SYNPO: variants seen among roughly 807,000 people sequenced by gnomAD.
SYNPO encodes synaptopodin.
A neutral mutation model predicts 49.5 loss-of-function variants in SYNPO; 19 were observed. The ratio of observed to expected loss-of-function variants is 0.38; its 90% CI spans 0.27 to 0.56. SYNPO has a LOEUF of 0.56. Among genes scored for constraint, SYNPO ranks in the 20% least tolerant of loss-of-function variants. The pLI is 0.68. For missense variants in SYNPO, 1,131 were observed against 1,248.3 expected (o/e 0.91, Z 1.42); for synonymous variants, 536 against 548.0 (o/e 0.98, Z 0.31).
At chr5:150,628,681 G>A (rs1196879345) in intron 2 of SYNPO, among the ~76,000 whole-genome samples, 2 of 152,216 alleles carry the variant, frequency 1.3e-5, no homozygotes, top group East Asian at 1.9e-4. Context: ...GGCCAAGGCA[G>A]GGGGATCACC....
At chr5:150,604,633 G>A (rs1383861164) in intron 1 of SYNPO, among the ~76,000 whole-genome samples, 1 of 152,162 alleles carries the variant, frequency 6.6e-6, no homozygotes, top group African/African-American at 2.4e-5. Context: ...AGGTGACCCC[G>A]TGCTCTGCTC....
chr5:150,638,695 A>G (rs1757796721), upstream of SYNPO, among the ~76,000 whole-genome samples: 1 of 152,080 alleles, frequency 6.6e-6, no homozygotes, highest in South Asian at 2.1e-4. Flanking sequence ...CCCTGGGAAG[A>G]GTGGAGGGGA....
chr5:150,594,226 G>A, the SYNPO span, among the ~76,000 whole-genome samples: 5 of 152,192 alleles, frequency 3.3e-5, no homozygotes, highest in Admixed American at 2.0e-4. Flanking sequence ...GCCAAGTGGG[G>A]CTGGGGCAGT....
chr5:150,618,326 C>T (rs2151365997), exon 2 of SYNPO: 2 of 1,510,706 alleles, frequency 1.3e-6, no homozygotes, highest in Non-Finnish European at 1.8e-6. Context: ...TGGCCCAGGC[C>T]CAGGAGCCTG....
At position 150,648,420 on chromosome 5, in the gene SYNPO, G is replaced by A. The variant is rs761309899; in HGVS notation, c.145G>A (p.Glu49Lys). The A allele has an allele frequency of 1.7e-5, 27 of 1,614,066 alleles. No homozygotes were observed. Among genetic ancestry groups the A allele is most frequent in the Non-Finnish European group, 2.2e-5 (26 of 1,180,052 alleles). The change falls in exon 2 of 3, where the codon GAG becomes AAG. Residue 49 changes from glutamate to lysine, a missense_variant. By Grantham distance (56) the Glu-to-Lys change is moderately conservative. Coordinates refer to ENST00000307662, the MANE Select transcript of SYNPO (RefSeq NM_007286.6). This position sits in a 1 kb window ranked among gnomAD's most constrained non-coding sequence, Gnocchi z 5.0. ...TGGGCTGCACCTGTCCCAAAACCGA[G>A]AGGCCCAGCAGTCCTCACCGGCCCC... is the stretch of plus-strand genomic sequence containing the variant. ...ANGLHLSQNREAQQSSPAPPP... is the reference protein window; with the variant it reads ...ANGLHLSQNRKAQQSSPAPPP...
upstream of SYNPO, among the ~76,000 whole-genome samples, chr5:150,598,823 G>A (rs1032879991): frequency 3.9e-5 from 6 of 152,102 alleles, no homozygotes; most frequent in Admixed American, 3.9e-4. Flanking sequence ...CGCTGATGGT[G>A]GTGGGGAGGG....
chr5:150,624,060 G>A (rs146974097), intron 2 of SYNPO, among the ~76,000 whole-genome samples: 1 of 152,226 alleles, frequency 6.6e-6, no homozygotes, highest in Non-Finnish European at 1.5e-5. Context: ...GGCTTCGCAC[G>A]CTCAATCTGA....
chr5:150,592,097 G>A, the SYNPO span, among the ~76,000 whole-genome samples: 3 of 152,042 alleles, frequency 2.0e-5, no homozygotes, highest in Non-Finnish European at 4.4e-5. Flanking sequence ...CCCGGGAGAC[G>A]GAGGTTGCGG....
chr5:150,651,428 G>A (rs1191697297), intron 2 of SYNPO: 5 of 1,000,392 alleles, frequency 5.0e-6, no homozygotes, highest in Non-Finnish European at 6.0e-6. Flanking sequence ...GGATAGGCTG[G>A]TGCTTTGAAG....
At chr5:150,607,167 C>G (rs1270916537) in intron 1 of SYNPO, among the ~76,000 whole-genome samples, 1 of 152,036 alleles carries the variant, frequency 6.6e-6, no homozygotes, top group Non-Finnish European at 1.5e-5. Flanking sequence ...AAAATGCCAA[C>G]TGCCTAGGTA....
At chr5:150,628,680 A>G (rs1277459967) in intron 2 of SYNPO, among the ~76,000 whole-genome samples, 1 of 152,208 alleles carries the variant, frequency 6.6e-6, no homozygotes, top group African/African-American at 2.4e-5. Context: ...AGGCCAAGGC[A>G]GGGGGATCAC....
At chr5:150,621,577 A>C (rs965024492) in intron 2 of SYNPO, among the ~76,000 whole-genome samples, 9 of 152,150 alleles carry the variant, frequency 5.9e-5, no homozygotes, top group African/African-American at 2.2e-4. Context: ...TCCTGCCATT[A>C]CCGCCGAAGG....
chr5:150,609,479 G>C (rs867677446), intron 1 of SYNPO, among the ~76,000 whole-genome samples: 15 of 152,210 alleles, frequency 9.9e-5, no homozygotes, highest in Admixed American at 2.6e-4. Flanking sequence ...ATTTTTAGTA[G>C]AAATGGGGTT....
chr5:150,645,077 G>A (rs190258254), intron 1 of SYNPO, among the ~76,000 whole-genome samples: 8 of 152,282 alleles, frequency 5.3e-5, no homozygotes, highest in African/African-American at 1.7e-4. Context: ...GCCTCCCTGC[G>A]GGTCCCATGT....
chr5:150,609,795 G>GGGA (rs1756798390), intron 1 of SYNPO, among the ~76,000 whole-genome samples: 1 of 151,276 alleles, frequency 6.6e-6, no homozygotes, highest in East Asian at 1.9e-4. Flanking sequence ...GCGGGGGGGG[G>GGGA]CAGTGTGGAG....
intron 2 of SYNPO, chr5:150,618,822 G>A (rs1190555351): frequency 1.3e-6 from 2 of 1,546,606 alleles, no homozygotes; most frequent in African/African-American, 1.4e-5. Flanking sequence ...GACCCCCCAG[G>A]TCCTTAGTAC....
At chr5:150,615,489 G>A (rs1011053299) in intron 1 of SYNPO, 2 of 152,330 alleles carry the variant, frequency 1.3e-5, no homozygotes, top group Non-Finnish European at 2.9e-5. Flanking sequence ...GATGACGGAG[G>A]TGGGTATCCA....
intron 2 of SYNPO, among the ~76,000 whole-genome samples, chr5:150,624,376 G>A (rs2151377400): frequency 6.6e-6 from 1 of 152,312 alleles, no homozygotes; most frequent in Admixed American, 6.5e-5. Context: ...TTCAAAGTGG[G>A]TAGTGGGTGG....
the SYNPO span, among the ~76,000 whole-genome samples, chr5:150,595,449 GACT>G: frequency 6.6e-6 from 1 of 152,202 alleles, no homozygotes; most frequent in East Asian, 1.9e-4. Context: ...GGAGCAACAG[GACT>G]ACAAGTTGGG....
Sources: allele counts gnomAD v4.1 joint callset (sites outside exome capture counted in the v4.1 genomes callset), GRCh38; gene constraint gnomAD v4.1.1; non-coding constraint Gnocchi (gnomAD v3.1); transcripts MANE v1.5; gene names NCBI Gene and HGNC (gene_info 2026-07-23, HGNC 2026-07-21).